The following TNFSF14 variants were observed in gnomAD, a reference collection of about 807,000 sequenced individuals.
The protein encoded by TNFSF14 is tumor necrosis factor ligand superfamily member 14.
Under a neutral mutation model 22.7 loss-of-function variants are expected in TNFSF14, and 15 were observed. The ratio of observed to expected loss-of-function variants is 0.66; its 90% CI spans 0.44 to 1.02. The LOEUF is 1.02. Ranked by LOEUF, TNFSF14 falls within the 50% of genes least tolerant of loss-of-function variation. TNFSF14 has a pLI of 0.00. For missense variants in TNFSF14, 287 were observed against 326.2 expected (o/e 0.88, Z 0.93); for synonymous variants, 133 against 139.6 (o/e 0.95, Z 0.33).
At chr19:6,666,939 AAAT>A (rs1280372911) in intron 3 of TNFSF14, among the ~76,000 whole-genome samples, 171 bp downstream of exon 3, 1 of 150,626 alleles carries the variant, frequency 6.6e-6, no homozygotes, top group Non-Finnish European at 1.5e-5. Flanking sequence ...TAGAAATAAA[AAAT>A]AATAAAATAA....
Position 6,663,261 on chromosome 19 carries a change from T to C in TNFSF14, c.*1665A>G, listed in dbSNP as rs932230323. 2.0e-5 allele frequency: 3 copies of C among 152,300 alleles called. No individual in the cohort carries two copies. The highest frequency in any genetic ancestry group is 7.2e-5 in the African/African-American group (3 of 41,422). 9.4% of individuals were successfully genotyped at this position (152,300 alleles called of 1,614,324 possible). A position where few individuals can be genotyped will look rare whatever the true frequency, so the allele number is the denominator to read the frequency against. The stretch of plus-strand genomic sequence containing the variant: ...GGCTGGGGAGGGCCCTCAGGCTGTG[T>C]GTATATGTGTGTAATGTTGTGTGTT... On this transcript the variant is annotated 3_prime_UTR_variant, in exon 4 of 4. Coordinates refer to ENST00000675206, the MANE Select transcript of TNFSF14 (RefSeq NM_001376887.1).
Position 6,665,030 on chromosome 19 carries a change from C to T in TNFSF14, c.619G>A (p.Val207Ile), listed in dbSNP as rs140366022. 33 of 1,614,138 alleles carry T rather than the reference C, an allele frequency of 2.0e-5. No individual in the cohort carries two copies. In the African/African-American group the frequency reaches 3.7e-4, roughly 18 times the overall value. The change falls in exon 4 of 4, where the codon GTA (valine) becomes ATA (isoleucine). Residue 207 changes from valine (V) to isoleucine (I), a missense_variant. By Grantham distance (29) the Val-to-Ile change is conservative. Coordinates refer to ENST00000675206, the MANE Select transcript of TNFSF14 (RefSeq NM_001376887.1). ...WWDSSFLGGV[V>I]HLEAGEKVVV... is the part of the protein sequence containing the mutation. ...ACCTTCTCCCCAGCCTCCAGGTGTACCACACCACCCAGGAAGCTGCTGTCC... is the reference window on the plus strand; with the variant it reads ...ACCTTCTCCCCAGCCTCCAGGTGTATCACACCACCCAGGAAGCTGCTGTCC...
At position 6,669,839 on chromosome 19, in the gene TNFSF14, G is replaced by C; in HGVS notation, c.219+12C>G. 1 of 1,609,602 alleles carries C rather than the reference G, an allele frequency of 6.2e-7. No individual in the cohort carries two copies. Reference sequence around the variant, plus strand: ...CACCTCCACCTGCTCTCAGCCCCCCGGTCCCACTCACAGGCAGGCGGGTGA... The same window carrying C: ...CACCTCCACCTGCTCTCAGCCCCCCCGTCCCACTCACAGGCAGGCGGGTGA... On this transcript the variant is annotated intron_variant, in intron 1 of 3. Coordinates refer to ENST00000675206, the MANE Select transcript of TNFSF14 (RefSeq NM_001376887.1).
chr19:6,664,590 G>A lies in TNFSF14; in HGVS notation c.*336C>T, dbSNP rs1917346957. Reference sequence around the variant, plus strand: ...GTCTCACTGCGTTTCCCAGGTTGGAGTGCAGTGGTGTGATCTCGGCTCACT... The same window carrying A: ...GTCTCACTGCGTTTCCCAGGTTGGAATGCAGTGGTGTGATCTCGGCTCACT... On this transcript the variant is annotated 3_prime_UTR_variant, in exon 4 of 4. Transcript: ENST00000675206. The surrounding 1 kb of genome is among the most constrained non-coding windows in gnomAD (Gnocchi z 4.7). 4 of 192,304 alleles carry A rather than the reference G, an allele frequency of 2.1e-5. No homozygotes were observed. The South Asian group carries it at 3.9e-4, about 19-fold the overall frequency. 11.9% of individuals were successfully genotyped at this position (192,304 alleles called of 1,614,324 possible).
intron 3 of TNFSF14, among the ~76,000 whole-genome samples, chr19:6,665,553 T>A (rs1033734246): frequency 4.6e-5 from 7 of 152,062 alleles, no homozygotes; most frequent in Non-Finnish European, 8.8e-5. Flanking sequence ...GGACTACAGG[T>A]GCCCGCCACC....
chr19:6,669,055 G>A (rs1327719717), intron 1 of TNFSF14, among the ~76,000 whole-genome samples: 1 of 152,236 alleles, frequency 6.6e-6, no homozygotes, highest in Non-Finnish European at 1.5e-5. Context: ...GGGGTATGGT[G>A]TTGGGCACAC....
In TNFSF14 at chr19:6,669,960, C is replaced by G; in HGVS notation, c.110G>C (p.Arg37Pro). 9 of 1,614,068 alleles carry G rather than the reference C, an allele frequency of 5.6e-6. No homozygotes were observed. Among genetic ancestry groups the G allele is most frequent in the Non-Finnish European group, 7.6e-6 (9 of 1,180,026 alleles). ...CAACAGCAAGAGACCCAGACCCACC[C>G]GGGCCACACTGCACGACTGTCTCCG... is the stretch of plus-strand genomic sequence containing the variant. ...SHRRQSCSVA[R>P]VGLGLLLLLM... is the part of the protein sequence containing the mutation. Residue 37 changes from arginine to proline, a missense_variant, in exon 1 of 4, where the codon CGG becomes CCG. Transcript: ENST00000675206.
chr19:6,667,244 C>G (rs1917458274), intron 2 of TNFSF14, 90 bp from the exon 3 acceptor site: 1 of 1,450,968 alleles, frequency 6.9e-7, no homozygotes, highest in South Asian at 1.4e-5. Flanking sequence ...CTCCTGGAAT[C>G]AACCCCACCC....
At position 6,669,923 on chromosome 19, in the gene TNFSF14, G is replaced by A. The variant is rs2291668; in HGVS notation, c.147C>T (p.Ala49=). ...GGAACCAGCCTTGGACGGCCAGCCC[G>A]GCCCCCATCAGCAACAGCAAGAGAC... is the stretch of plus-strand genomic sequence containing the variant. ...GLGLLLLLMG[A]GLAVQGWFLL... The change falls in exon 1 of 4, where the codon GCC becomes GCT. Residue 49 remains alanine, a synonymous_variant. Coordinates refer to ENST00000675206, the MANE Select transcript of TNFSF14 (RefSeq NM_001376887.1). 0.17 allele frequency: 278,440 copies of A among 1,613,624 alleles called. 26,132 individuals are homozygous for A. Among genetic ancestry groups the A allele is most frequent in the East Asian group, 0.33 (14,723 of 44,836 alleles).
At position 6,664,652 on chromosome 19, in the gene TNFSF14, T is replaced by TCA. The variant is rs1381466352; in HGVS notation, c.*273_*274insTG. 1 of 284,804 alleles carries TCA rather than the reference T, an allele frequency of 3.5e-6. No homozygotes were observed. The highest frequency in any genetic ancestry group is 2.2e-5 in the African/African-American group (1 of 46,478). The allele number at this position is 284,804 out of a possible 1,614,324, so 17.6% of individuals were successfully genotyped here. The stretch of plus-strand genomic sequence containing the variant: ...CTCCCGGGTTTAAGCAAAATTATCC[T>TCA]GCCTCAGCCTCCTGAGTAGCTGGAT... On this transcript the variant is annotated 3_prime_UTR_variant, in exon 4 of 4. Coordinates refer to ENST00000675206, the MANE Select transcript of TNFSF14 (RefSeq NM_001376887.1). The surrounding 1 kb of genome is among the most constrained non-coding windows in gnomAD (Gnocchi z 4.7).
chr19:6,667,895 G>A (rs1262345849), intron 1 of TNFSF14, among the ~76,000 whole-genome samples: 1 of 151,884 alleles, frequency 6.6e-6, no homozygotes, highest in African/African-American at 2.4e-5. Flanking sequence ...ACAAAAATTA[G>A]CTGGGCCTGG....
chr19:6,670,102 T>A lies in TNFSF14; in HGVS notation c.-33A>T. On this transcript the variant is annotated 5_prime_UTR_variant, in exon 1 of 4. Coordinates refer to ENST00000675206, the MANE Select transcript of TNFSF14 (RefSeq NM_001376887.1). ...GTGTCTGGAGCAGGGCTGACACGCC[T>A]GGGTCCTTCAACCTCAGAGGAAACC... 1 of 1,606,556 alleles carries A rather than the reference T, an allele frequency of 6.2e-7. No homozygotes were observed. Among genetic ancestry groups the A allele is most frequent in the Non-Finnish European group, 8.5e-7 (1 of 1,173,650 alleles).
intron 1 of TNFSF14, 108 bp downstream of exon 1, chr19:6,669,743 C>T (rs1917540978): frequency 5.3e-6 from 5 of 940,812 alleles, no homozygotes; most frequent in Non-Finnish European, 5.7e-6. Context: ...GTCCTACACA[C>T]ACACACACAC....
chr19:6,664,155 G>C lies in TNFSF14; in HGVS notation c.*771C>G, dbSNP rs1917333618. 1 of 152,112 alleles carries C rather than the reference G, an allele frequency of 6.6e-6. No homozygotes were observed. Among genetic ancestry groups the C allele is most frequent in the African/African-American group, 2.4e-5 (1 of 41,396 alleles). The allele number at this position is 152,112 out of a possible 1,614,324, so 9.4% of individuals were successfully genotyped here. ...GGTGGGGCTGGGCTCTTCATGATGA[G>C]TCCCGATGATCAGTCTCCCGCCCAC... On this transcript the variant is annotated 3_prime_UTR_variant, in exon 4 of 4. Coordinates refer to ENST00000675206, the MANE Select transcript of TNFSF14 (RefSeq NM_001376887.1). This position sits in a 1 kb window ranked among gnomAD's most constrained non-coding sequence, Gnocchi z 4.7.
intron 1 of TNFSF14, among the ~76,000 whole-genome samples, chr19:6,668,196 T>C (rs1917484214): frequency 2.0e-5 from 3 of 151,394 alleles, no homozygotes; most frequent in African/African-American, 7.3e-5. Context: ...ACCTCATCTC[T>C]ACAAAAAATT....
chr19:6,669,540 A>C (rs1917532307), intron 1 of TNFSF14, among the ~76,000 whole-genome samples: 1 of 152,132 alleles, frequency 6.6e-6, no homozygotes, highest in African/African-American at 2.4e-5. Context: ...TGTGCATGGC[A>C]GTGTTGGGGT....
intron 1 of TNFSF14, 89 bp from the exon 2 acceptor site, chr19:6,667,538 C>T: frequency 7.0e-7 from 1 of 1,429,526 alleles, no homozygotes; most frequent in African/African-American, 1.5e-5. Flanking sequence ...ACATGAGGAC[C>T]ATAGCCACCG....
In TNFSF14 at chr19:6,661,645, A is replaced by G. The variant is rs978469502; in HGVS notation, c.*3281T>C. 1.3e-5 allele frequency: 2 copies of G among 152,242 alleles called. No homozygotes were observed. The highest frequency in any genetic ancestry group is 4.8e-5 in the African/African-American group (2 of 41,404). The allele number at this position is 152,242 out of a possible 1,614,324, so 9.4% of individuals were successfully genotyped here. ...GGGGGTGGGTGAGAGACTGCAAGCG[A>G]AGAAGCCAAAATAGAGTCTGCCTGG... On this transcript the variant is annotated 3_prime_UTR_variant, in exon 4 of 4. Transcript: ENST00000675206.
intron 1 of TNFSF14, 74 bp downstream of exon 1, chr19:6,669,777 C>A: frequency 6.4e-7 from 1 of 1,568,142 alleles, no homozygotes; most frequent in South Asian, 1.2e-5. Context: ...CACACACAGA[C>A]ACACAGTGAC....
Sources: gnomAD v4.1 joint callset for allele counts (sites outside exome capture counted in the v4.1 genomes callset) on GRCh38, gnomAD v4.1.1 for gene constraint, Gnocchi (gnomAD v3.1) non-coding constraint, MANE v1.5 for transcripts, NCBI Gene and HGNC (gene_info 2026-07-23, HGNC 2026-07-21) for gene names.